IGF2BP2: variants seen among roughly 807,000 people sequenced by gnomAD.
The protein encoded by IGF2BP2 is insulin like growth factor 2 mRNA binding protein 2.
Under a neutral mutation model 75.8 loss-of-function variants are expected in IGF2BP2, and 17 were observed. The observed-to-expected ratio is 0.22, with a 90% CI of 0.15 to 0.34. The LOEUF (loss-of-function observed/expected upper bound fraction) is 0.34, where lower values mean the gene tolerates loss of function less well. Ranked by LOEUF, IGF2BP2 falls within the 10% of genes least tolerant of loss-of-function variation. The pLI is 1.00. For synonymous variants in IGF2BP2, 288 were observed against 295.6 expected, an observed-to-expected ratio of 0.97 and a Z score of 0.26; for missense variants, 516 against 772.4, an observed-to-expected ratio of 0.67 and a Z score of 3.93.
chr3:185,680,681 T>C (rs1378820123), intron 7 of IGF2BP2, among the ~76,000 whole-genome samples: 3 of 152,206 alleles, frequency 2.0e-5, no homozygotes, highest in African/African-American at 7.2e-5. Context: ...CAGTGGCTTA[T>C]GCCTGTAATC....
intron 2 of IGF2BP2, among the ~76,000 whole-genome samples, chr3:185,700,695 A>T (rs1723168718): frequency 6.6e-6 from 1 of 152,334 alleles, no homozygotes; most frequent in African/African-American, 2.4e-5. Context: ...GCTAACCAAC[A>T]ATTTACTGGT....
At chr3:185,648,514 CAT>C in intron 14 of IGF2BP2, among the ~76,000 whole-genome samples, 1 of 147,854 alleles carries the variant, frequency 6.8e-6, no homozygotes, top group Admixed American at 6.8e-5. Context: ...CACACATATA[CAT>C]ATATACACAT....
intron 2 of IGF2BP2, among the ~76,000 whole-genome samples, chr3:185,818,680 G>T (rs1740920296): frequency 6.6e-6 from 1 of 152,088 alleles, no homozygotes; most frequent in Non-Finnish European, 1.5e-5. Flanking sequence ...CTACTTTTGA[G>T]GGTTTCATAG....
chr3:185,753,446 C>T (rs1731210892), intron 2 of IGF2BP2, among the ~76,000 whole-genome samples: 1 of 152,128 alleles, frequency 6.6e-6, no homozygotes, highest in Non-Finnish European at 1.5e-5. Flanking sequence ...AAAAAATCAA[C>T]TCATATATCC....
chr3:185,697,555 T>G (rs888633197), intron 3 of IGF2BP2, among the ~76,000 whole-genome samples: 1 of 152,176 alleles, frequency 6.6e-6, no homozygotes, highest in Admixed American at 6.5e-5. Flanking sequence ...TATTCTTACT[T>G]TATTTTAAGG....
intron 2 of IGF2BP2, among the ~76,000 whole-genome samples, chr3:185,720,337 T>G (rs1726328638): frequency 1.3e-5 from 2 of 151,642 alleles, no homozygotes; most frequent in East Asian, 1.9e-4. Context: ...TTTATTTTAT[T>G]TAATTAATTA....
chr3:185,744,698 A>G (rs1361910496), intron 2 of IGF2BP2, among the ~76,000 whole-genome samples: 1 of 152,298 alleles, frequency 6.6e-6, no homozygotes, highest in East Asian at 1.9e-4. Flanking sequence ...AATCTCAGCT[A>G]CTTGGGAGGC....
At chr3:185,740,846 G>C (rs1466790072) in intron 2 of IGF2BP2, among the ~76,000 whole-genome samples, 3 of 152,152 alleles carry the variant, frequency 2.0e-5, no homozygotes, top group African/African-American at 7.2e-5. Context: ...TGCAAGTTGA[G>C]GAAATGTTTG....
intron 2 of IGF2BP2, chr3:185,716,903 C>T (rs953999668): frequency 3.0e-5 from 14 of 466,500 alleles, no homozygotes; most frequent in African/African-American, 1.2e-4. Context: ...CCTGTTGTAA[C>T]GCTCTGTTTA....
rs368068706 is a variant in IGF2BP2, at chr3:185,772,577, CTT to C, written c.239+50574_239+50575del. 2.8e-3 allele frequency among the ~76,000 whole-genome samples: 331 copies of C among 118,158 alleles called. 4 individuals are homozygous for C. The highest frequency in any genetic ancestry group is 0.011 in the Middle Eastern group (2 of 190). The allele number at this position is 118,158 out of a possible 152,430, so 77.5% of individuals were successfully genotyped here. A position where few individuals can be genotyped will look rare whatever the true frequency, so the allele number is the denominator to read the frequency against. On this transcript the variant is annotated intron_variant, in intron 2 of 15. Coordinates refer to ENST00000382199, the MANE Select transcript of IGF2BP2 (RefSeq NM_006548.6). ...CAACTCCTTTTCTTCCCTTCTCTCT[CTT>C]TTTTTTTTTTTTTTTTTTTTGAGAC...
chr3:185,725,109 G>C (rs1727130792), intron 2 of IGF2BP2: 1 of 152,160 alleles, frequency 6.6e-6, no homozygotes, highest in South Asian at 2.1e-4. Flanking sequence ...CCCAGCTTTT[G>C]AATATTCCCA....
At chr3:185,717,043 A>G (rs535278149) in intron 2 of IGF2BP2, 145 of 320,012 alleles carry the variant, frequency 4.5e-4, no homozygotes, top group African/African-American at 2.7e-3. Flanking sequence ...ATGCCCATGG[A>G]ACTGGGCCTC....
At chr3:185,760,090 T>TACTA (rs776838271) in intron 2 of IGF2BP2, among the ~76,000 whole-genome samples, 9 of 152,200 alleles carry the variant, frequency 5.9e-5, no homozygotes, top group Non-Finnish European at 1.2e-4. Flanking sequence ...CATTTCCTTA[T>TACTA]ACTAGCAAAT....
chr3:185,675,561 G>A (rs1392615047), intron 8 of IGF2BP2, 130 bp from the exon 9 acceptor site: 3 of 1,151,220 alleles, frequency 2.6e-6, no homozygotes, highest in East Asian at 2.5e-5. Flanking sequence ...ACACTGTGGT[G>A]GAGAATCCCT....
At chr3:185,658,222 G>C in intron 11 of IGF2BP2, 119 bp downstream of exon 11, 1 of 1,014,744 alleles carries the variant, frequency 9.9e-7, no homozygotes, top group South Asian at 1.4e-5. Flanking sequence ...TCACTCCCAG[G>C]ACAAACCAGA....
At chr3:185,738,346 C>T (rs1166470047) in intron 2 of IGF2BP2, among the ~76,000 whole-genome samples, 1 of 152,178 alleles carries the variant, frequency 6.6e-6, no homozygotes, top group Non-Finnish European at 1.5e-5. Flanking sequence ...AAGATAAACA[C>T]TAATAATTAC....
At chr3:185,731,949 T>C (rs1728248681) in intron 2 of IGF2BP2, among the ~76,000 whole-genome samples, 1 of 151,702 alleles carries the variant, frequency 6.6e-6, no homozygotes, top group Admixed American at 6.6e-5. Flanking sequence ...GCCACTGCAC[T>C]CCAGCCTGGG....
Position 185,823,630 on chromosome 3 carries a change from C to G in IGF2BP2, c.179-417G>C, listed in dbSNP as rs540765598. Among the ~76,000 whole-genome samples the G allele has an allele frequency of 1.9e-3, 291 of 152,138 alleles. 2 individuals are homozygous for G. Among genetic ancestry groups the G allele is most frequent in the African/African-American group, 6.5e-3 (269 of 41,528 alleles). On this transcript the variant is annotated intron_variant, in intron 1 of 15. Transcript: ENST00000382199. ...GGCTCCCCTCCCTGCCCTCTCCTCC[C>G]GGTGGCCCCGAGAAAACGAGCCGAA...
chr3:185,796,327 A>T (rs1489998714), intron 2 of IGF2BP2, among the ~76,000 whole-genome samples: 3 of 151,800 alleles, frequency 2.0e-5, no homozygotes, highest in Admixed American at 2.0e-4. Flanking sequence ...CTTTGGGAGG[A>T]CGAGGAGGGC....
Sources: gnomAD v4.1 joint callset for allele counts (sites outside exome capture counted in the v4.1 genomes callset) on GRCh38, gnomAD v4.1.1 for gene constraint, MANE v1.5 for transcripts, NCBI Gene and HGNC (gene_info 2026-07-23, HGNC 2026-07-21) for gene names.